Variants in DNAAF4 observed in about 807,000 individuals in gnomAD.
The protein encoded by DNAAF4 is dynein axonemal assembly factor 4, also known as dynein assembly factor 4, axonemal.
A neutral mutation model predicts 51.8 loss-of-function variants in DNAAF4; 43 were observed. That is an observed-to-expected ratio of 0.83 (90% confidence interval 0.65 to 1.07). The LOEUF (loss-of-function observed/expected upper bound fraction) is 1.07, where lower values mean the gene tolerates loss of function less well. Among genes scored for constraint, DNAAF4 ranks in the 50% least tolerant of loss-of-function variants. The pLI is 0.00. For missense variants in DNAAF4, 581 were observed against 493.0 expected (o/e 1.18, Z -1.69); for synonymous variants, 194 against 165.6 (o/e 1.17, Z -1.32).
intron 4 of DNAAF4, among the ~76,000 whole-genome samples, chr15:55,478,341 C>T (rs1253707900): frequency 6.6e-6 from 1 of 152,106 alleles, no homozygotes; most frequent in Non-Finnish European, 1.5e-5. Flanking sequence ...CTGCCCAGTC[C>T]CCTTGTTCAG....
Position 55,450,230 on chromosome 15 carries a change from C to T in DNAAF4, c.775G>A (p.Glu259Lys). 1 of 1,610,664 alleles carries T rather than the reference C, an allele frequency of 6.2e-7. No homozygotes were observed. Residue 259 changes from glutamate (E) to lysine (K), a missense_variant, in exon 6 of 10, where the codon GAG becomes AAG. Glu to Lys is a moderately conservative substitution (Grantham distance 56). Transcript: ENST00000321149. ...TALRESQVAE[E>K]EEWLHKQAEA... ...AGAGTAAGTATATATACCTCCTCCT[C>T]TTCTGCTACTTGTGATTCACGAAGA...
Position 55,493,813 on chromosome 15 carries a change from C to T in DNAAF4, c.272-2557G>A, listed in dbSNP as rs190085964. On this transcript the variant is annotated intron_variant, in intron 3 of 9. Transcript: ENST00000321149. Reference sequence around the variant, plus strand: ...CCACCTCTTGGGCTCAAGTGATCCTCCAACCTCAGCCTCCCAAGTAGCTGG... The same window carrying T: ...CCACCTCTTGGGCTCAAGTGATCCTTCAACCTCAGCCTCCCAAGTAGCTGG... 4.1e-3 allele frequency among the ~76,000 whole-genome samples: 620 copies of T among 152,182 alleles called. 6 individuals carry two copies. Among genetic ancestry groups the T allele is most frequent in the African/African-American group, 0.014 (582 of 41,540 alleles).
At chr15:55,427,028 G>C (rs923962263), downstream of DNAAF4, among the ~76,000 whole-genome samples, 1 of 152,044 alleles carries the variant, frequency 6.6e-6, no homozygotes, top group African/African-American at 2.4e-5. Flanking sequence ...AATTCACACA[G>C]AACCAGCTGT....
chr15:55,503,720 G>C (rs571178450), intron 1 of DNAAF4, among the ~76,000 whole-genome samples: 1 of 152,042 alleles, frequency 6.6e-6, no homozygotes, highest in African/African-American at 2.4e-5. Context: ...GACAAAATTC[G>C]ATAGCCTTTC....
intron 9 of DNAAF4, among the ~76,000 whole-genome samples, chr15:55,432,230 C>A (rs561348428): frequency 6.6e-6 from 1 of 152,170 alleles, no homozygotes; most frequent in African/African-American, 2.4e-5. Flanking sequence ...GGATTACAGG[C>A]ATGAGCATCT....
intron 4 of DNAAF4, among the ~76,000 whole-genome samples, chr15:55,482,167 A>C (rs2058420489): frequency 6.6e-6 from 1 of 152,176 alleles, no homozygotes; most frequent in Non-Finnish European, 1.5e-5. Context: ...TTAATGTGCC[A>C]AGAACTGGGA....
At chr15:55,498,121 G>T (rs533193093) in intron 2 of DNAAF4, 86 bp downstream of exon 2, 52 of 1,596,658 alleles carry the variant, frequency 3.3e-5, no homozygotes, top group Non-Finnish European at 4.1e-5. Flanking sequence ...CGGCAAAGAT[G>T]AGCCTGTTGC....
intron 8 of DNAAF4, among the ~76,000 whole-genome samples, chr15:55,433,986 A>AAT (rs1419556424): frequency 1.8e-5 from 1 of 55,034 alleles, no homozygotes; most frequent in Non-Finnish European, 3.3e-5. Context: ...TATTATATAT[A>AAT]ATATATATAA....
intron 4 of DNAAF4, among the ~76,000 whole-genome samples, chr15:55,469,663 T>A (rs1036248550): frequency 4.6e-5 from 7 of 151,320 alleles, no homozygotes; most frequent in Non-Finnish European, 7.4e-5. Flanking sequence ...ATTTTTTTTT[T>A]ATATTTTTAG....
chr15:55,461,700 C>G (rs1457368865), intron 5 of DNAAF4, among the ~76,000 whole-genome samples: 1 of 151,972 alleles, frequency 6.6e-6, no homozygotes, highest in Non-Finnish European at 1.5e-5. Context: ...AGAGCATAAA[C>G]AGACAATCTA....
At position 55,418,688 on chromosome 15, in the gene DNAAF4, TTAAA is replaced by T. The variant is rs10616796; in HGVS notation, c.1048-559_1048-556del. The T allele has an allele frequency of 0.013, 8,831 of 701,332 alleles. 584 individuals carry two copies. In the African/African-American group the frequency reaches 0.14, roughly 11 times the overall value. 43.4% of individuals were successfully genotyped at this position (701,332 alleles called of 1,614,324 possible). On this transcript the variant is annotated intron_variant, in intron 7 of 7. Coordinates refer to the DNAAF4 transcript ENST00000448430. ...GTTTTGAATCAATTTTTAAAATAAG[TTAAA>T]TAAAGTATTTCAACTGATAACTACA...
chr15:55,497,716 C>G lies in DNAAF4; in HGVS notation c.267G>C (p.Thr89=). Residue 89 remains threonine (T), a synonymous_variant, in exon 3 of 10, where the codon ACG becomes ACC. Transcript: ENST00000321149. The stretch of plus-strand genomic sequence containing the variant: ...ATCTTTTAATAAAGAACTTACCACC[C>G]GTCACAGAAAGGGTCTCCCACATGG... The part of the protein sequence containing the change: ...EAAMWETLSV[T]GVDKEMMQRI... 6.2e-7 allele frequency: 1 copy of G among 1,602,902 alleles called. No individual in the cohort carries two copies. The highest frequency in any genetic ancestry group is 2.2e-5 in the East Asian group (1 of 44,776).
chr15:55,471,281 C>T (rs2058251704), intron 4 of DNAAF4, among the ~76,000 whole-genome samples: 1 of 152,124 alleles, frequency 6.6e-6, no homozygotes, highest in Non-Finnish European at 1.5e-5. Context: ...AAGAGCCCAT[C>T]AAGAGTTGCC....
chr15:55,491,094 G>C (rs776121861), intron 4 of DNAAF4, 29 bp downstream of exon 4: 2 of 1,613,544 alleles, frequency 1.2e-6, no homozygotes, highest in East Asian at 2.2e-5. Flanking sequence ...TATCTCTTTA[G>C]AGGACTTGCC....
chr15:55,419,653 G>A (rs1471556628), intron 7 of DNAAF4, among the ~76,000 whole-genome samples: 3 of 152,168 alleles, frequency 2.0e-5, no homozygotes, highest in Admixed American at 1.3e-4. Flanking sequence ...ATGGCAGACT[G>A]TACTATGCAA....
chr15:55,463,741 T>C (rs2058128923), intron 5 of DNAAF4, among the ~76,000 whole-genome samples: 1 of 152,078 alleles, frequency 6.6e-6, no homozygotes, highest in African/African-American at 2.4e-5. Flanking sequence ...CTTAGGAATA[T>C]ACCTAACTAA....
rs903619480 is a variant in DNAAF4, at chr15:55,417,949, G to A, written c.*86C>T. The A allele has an allele frequency of 1.6e-4, 95 of 587,172 alleles. 1 individual carries two copies. The highest frequency in any genetic ancestry group is 9.3e-4 in the Middle Eastern group (2 of 2,162). The allele number at this position is 587,172 out of a possible 1,614,324, so 36.4% of individuals were successfully genotyped here. A position where few individuals can be genotyped will look rare whatever the true frequency, so the allele number is the denominator to read the frequency against. ...AGGTGCTCAGTGGGGGAGGTTCTGAGCCAGGAGAAGGAATTTCACAAGGTA... is the reference window on the plus strand; with the variant it reads ...AGGTGCTCAGTGGGGGAGGTTCTGAACCAGGAGAAGGAATTTCACAAGGTA... On this transcript the variant is annotated 3_prime_UTR_variant, in exon 8 of 8. Transcript: ENST00000448430.
chr15:55,488,500 C>T (rs985264571), intron 4 of DNAAF4, among the ~76,000 whole-genome samples: 4 of 152,156 alleles, frequency 2.6e-5, no homozygotes, highest in African/African-American at 7.2e-5. Context: ...TCAGCTAATT[C>T]ACCAAAGTAG....
At chr15:55,494,120 C>A (rs2058609170) in intron 3 of DNAAF4, among the ~76,000 whole-genome samples, 1 of 151,474 alleles carries the variant, frequency 6.6e-6, no homozygotes. Flanking sequence ...ACCTCCGCCT[C>A]CCGGGTTAAA....
Sources: allele counts gnomAD v4.1 joint callset (sites outside exome capture counted in the v4.1 genomes callset), GRCh38; gene constraint gnomAD v4.1.1; transcripts MANE v1.5; gene names NCBI Gene and HGNC (gene_info 2026-07-23, HGNC 2026-07-21).